The following ARHGAP22 variants were observed in gnomAD, a reference collection of about 807,000 sequenced individuals.
ARHGAP22 encodes the protein Rho GTPase activating protein 22.
ARHGAP22 carries 48 observed loss-of-function variants against 59.1 expected under a neutral mutation model. The ratio of observed to expected loss-of-function variants is 0.81; its 90% CI spans 0.64 to 1.03. The LOEUF (loss-of-function observed/expected upper bound fraction) is 1.03. Among genes scored for constraint, ARHGAP22 ranks in the 50% least tolerant of loss-of-function variants. The pLI is 0.00. For synonymous variants in ARHGAP22, 445 were observed against 416.4 expected (o/e 1.07, Z -0.84); for missense variants, 1,015 against 958.7 (o/e 1.06, Z -0.78).
intron 4 of ARHGAP22, among the ~76,000 whole-genome samples, chr10:48,477,138 T>C (rs2048832227): frequency 6.6e-6 from 1 of 152,238 alleles, no homozygotes; most frequent in Non-Finnish European, 1.5e-5. Flanking sequence ...TCTTAACCTC[T>C]TCCCTCCTCC....
the ARHGAP22 span, chr10:48,431,320 G>A: frequency 8.2e-7 from 1 of 1,218,924 alleles, no homozygotes; most frequent in African/African-American, 1.5e-5. Flanking sequence ...TTCTTGTGTT[G>A]TAATCTTCAG....
chr10:48,632,426 T>C (rs887494893), intron 1 of ARHGAP22, among the ~76,000 whole-genome samples: 2 of 152,156 alleles, frequency 1.3e-5, no homozygotes, highest in African/African-American at 4.8e-5. Context: ...TTTTCAACAG[T>C]TGAAATATTT....
intron 1 of ARHGAP22, among the ~76,000 whole-genome samples, chr10:48,639,231 C>G (rs1450587196): frequency 6.6e-6 from 1 of 152,174 alleles, no homozygotes; most frequent in Admixed American, 6.5e-5. Context: ...ACTGACAATA[C>G]TGGCAGCTAG....
chr10:48,618,112 T>C (rs1259489076), intron 1 of ARHGAP22, among the ~76,000 whole-genome samples: 2 of 151,906 alleles, frequency 1.3e-5, no homozygotes, highest in Admixed American at 6.6e-5. Context: ...TGGAAATAAG[T>C]AAATTTCTGG....
chr10:48,485,628 T>G lies in ARHGAP22; in HGVS notation c.323-5864A>C, dbSNP rs1250933042. The stretch of plus-strand genomic sequence containing the variant: ...CCAATTATAATTTTAGATTTGTCTA[T>G]TTTCTCCTTGTATTTCTATCAGTTT... On this transcript the variant is annotated intron_variant, in intron 3 of 9. Transcript: ENST00000249601. Among the ~76,000 whole-genome samples the G allele has an allele frequency of 2.0e-5, 3 of 152,224 alleles. No individual in the cohort carries two copies. The South Asian group carries it at 6.2e-4, about 31-fold the overall frequency.
rs1405630065 is a variant in ARHGAP22 at position 48,524,217 on chromosome 10, C to T, written c.322+31246G>A. 37 of 647,500 alleles carry T rather than the reference C, an allele frequency of 5.7e-5. 1 individual carries two copies. The highest frequency in any genetic ancestry group is 6.7e-5 in the Non-Finnish European group (35 of 520,712). The allele number at this position is 647,500 out of a possible 1,614,324, so 40.1% of individuals were successfully genotyped here. A position where few individuals can be genotyped will look rare whatever the true frequency, so the allele number is the denominator to read the frequency against. On this transcript the variant is annotated intron_variant, in intron 3 of 9. Transcript: ENST00000249601. Reference sequence around the variant, plus strand: ...GCAGTGCCCAGCTGGGCGCAGGGTGCGCGGGACCGCCGGCCCGCGGCTCCC... The same window carrying T: ...GCAGTGCCCAGCTGGGCGCAGGGTGTGCGGGACCGCCGGCCCGCGGCTCCC...
the ARHGAP22 span, chr10:48,437,940 C>T: frequency 1.3e-5 from 2 of 152,248 alleles, no homozygotes; most frequent in Non-Finnish European, 2.9e-5. Flanking sequence ...ACATCAGTGT[C>T]TGATAGTGAA....
chr10:48,522,824 C>T (rs989922177), intron 3 of ARHGAP22, among the ~76,000 whole-genome samples: 16 of 152,216 alleles, frequency 1.1e-4, no homozygotes, highest in Non-Finnish European at 5.9e-5. Flanking sequence ...AACTACAGCA[C>T]TCACATTTTT....
Position 48,473,070 on chromosome 10 carries a change from A to G in ARHGAP22, c.451+6566T>C, listed in dbSNP as rs573886613. 3.9e-5 allele frequency among the ~76,000 whole-genome samples: 6 copies of G among 152,376 alleles called. No homozygotes were observed. In the South Asian group the frequency reaches 1.2e-3, roughly 32 times the overall value. ...CATATTCACAGCAGCATTATTCACA[A>G]TAGTTGAAACACAGAAGCAACTCAA... On this transcript the variant is annotated intron_variant, in intron 4 of 9. Coordinates refer to ENST00000249601, the MANE Select transcript of ARHGAP22 (RefSeq NM_021226.4).
chr10:48,582,483 G>C (rs1042205683), intron 2 of ARHGAP22, among the ~76,000 whole-genome samples: 6 of 152,210 alleles, frequency 3.9e-5, no homozygotes, highest in Admixed American at 1.3e-4. Context: ...GATATTTAAA[G>C]CACCTTCTTA....
At chr10:48,511,193 G>T (rs1303467482) in intron 3 of ARHGAP22, among the ~76,000 whole-genome samples, 1 of 152,234 alleles carries the variant, frequency 6.6e-6, no homozygotes, top group African/African-American at 2.4e-5. Flanking sequence ...TCATCAGGAA[G>T]ATGGTGTGTG....
chr10:48,555,596 G>T, intron 2 of ARHGAP22, 46 bp from the exon 3 acceptor site: 5 of 1,583,256 alleles, frequency 3.2e-6, no homozygotes, highest in Non-Finnish European at 4.3e-6. Flanking sequence ...AGATGATGGG[G>T]AGGGGACTGC....
upstream of ARHGAP22, among the ~76,000 whole-genome samples, chr10:48,609,820 C>T (rs2060813296): frequency 6.6e-6 from 1 of 152,188 alleles, no homozygotes; most frequent in Non-Finnish European, 1.5e-5. Flanking sequence ...ACGAGTTTTT[C>T]CTGCCCCCTC....
downstream of ARHGAP22, chr10:48,445,918 T>C (rs527371702): frequency 4.2e-4 from 71 of 167,184 alleles, no homozygotes; most frequent in Admixed American, 1.8e-3. Context: ...ACAATGCCTG[T>C]GCTATTCCAC....
chr10:48,539,584 C>T (rs2055735727), intron 3 of ARHGAP22, among the ~76,000 whole-genome samples: 1 of 152,292 alleles, frequency 6.6e-6, no homozygotes, highest in East Asian at 1.9e-4. Context: ...AGCCACCACG[C>T]CCGGCCAACA....
chr10:48,654,364 G>A (rs866688387), upstream of ARHGAP22, among the ~76,000 whole-genome samples: 12 of 152,196 alleles, frequency 7.9e-5, no homozygotes, highest in Non-Finnish European at 7.3e-5. Context: ...TCTCAGAAGT[G>A]CTGGGAAGCT....
chr10:48,603,054 A>T (rs1301885349), intron 1 of ARHGAP22, among the ~76,000 whole-genome samples: 1 of 152,252 alleles, frequency 6.6e-6, no homozygotes, highest in African/African-American at 2.4e-5. Context: ...TGGAAGCCTC[A>T]TGGAACACTG....
intron 4 of ARHGAP22, among the ~76,000 whole-genome samples, chr10:48,470,723 A>G (rs1047377569): frequency 6.6e-6 from 1 of 152,198 alleles, no homozygotes; most frequent in African/African-American, 2.4e-5. Flanking sequence ...CCAGGTCTGC[A>G]AGAGTCCTTT....
At chr10:48,458,031 G>A (rs1438627493) in intron 5 of ARHGAP22, among the ~76,000 whole-genome samples, 2 of 152,172 alleles carry the variant, frequency 1.3e-5, no homozygotes, top group Non-Finnish European at 2.9e-5. Context: ...AGAGCCAGAG[G>A]AGCTGCCATG....
Sources: gnomAD v4.1 joint callset for allele counts (sites outside exome capture counted in the v4.1 genomes callset) on GRCh38, gnomAD v4.1.1 for gene constraint, MANE v1.5 for transcripts, NCBI Gene and HGNC (gene_info 2026-07-23, HGNC 2026-07-21) for gene names.